Variants in NUP93 observed in about 807,000 individuals in gnomAD.
NUP93 encodes nuclear pore complex protein Nup93.
NUP93 carries 55 observed loss-of-function variants against 107.8 expected under a neutral mutation model. The observed-to-expected ratio is 0.51, with a 90% CI of 0.41 to 0.64. The LOEUF (loss-of-function observed/expected upper bound fraction) is 0.64. Among genes scored for constraint, NUP93 ranks in the 30% least tolerant of loss-of-function variants. NUP93 has a pLI of 0.00. For synonymous variants in NUP93, 390 were observed against 397.5 expected (o/e 0.98, Z 0.22); for missense variants, 937 against 1,044.7 (o/e 0.90, Z 1.42).
At chr16:56,755,494 A>G (rs1478183720) in intron 2 of NUP93, among the ~76,000 whole-genome samples, 2 of 150,802 alleles carry the variant, frequency 1.3e-5, no homozygotes, top group African/African-American at 2.4e-5. Context: ...ATCACCACCT[A>G]TTGGTCAGGG....
At chr16:56,835,639 G>T (rs1176746415) in intron 16 of NUP93, among the ~76,000 whole-genome samples, 8 of 152,172 alleles carry the variant, frequency 5.3e-5, no homozygotes, top group Non-Finnish European at 1.2e-4. Flanking sequence ...CAAGTGGCAG[G>T]GCAAGTCACC....
At chr16:56,805,161 G>A (rs909183601) in intron 4 of NUP93, among the ~76,000 whole-genome samples, 4 of 151,986 alleles carry the variant, frequency 2.6e-5, no homozygotes, top group African/African-American at 9.7e-5. Flanking sequence ...GGGCTCAAGT[G>A]ATCCTCCCAC....
intron 3 of NUP93, among the ~76,000 whole-genome samples, chr16:56,795,082 A>G (rs183041671): frequency 3.3e-5 from 5 of 151,692 alleles, no homozygotes; most frequent in South Asian, 4.2e-4. Context: ...AAAATATTAG[A>G]CCAGGCTTTG....
intron 1 of NUP93, among the ~76,000 whole-genome samples, chr16:56,731,085 C>G (rs1323138495): frequency 6.6e-6 from 1 of 151,678 alleles, no homozygotes; most frequent in Non-Finnish European, 1.5e-5. Context: ...TTTGTGTTTG[C>G]AATATTTTTA....
chr16:56,761,299 C>T (rs1962122055), intron 3 of NUP93, among the ~76,000 whole-genome samples: 2 of 152,166 alleles, frequency 1.3e-5, no homozygotes, highest in Non-Finnish European at 2.9e-5. Flanking sequence ...TCCCTGACTT[C>T]TTGTTTAGTA....
intron 5 of NUP93, among the ~76,000 whole-genome samples, chr16:56,818,078 A>G (rs767423219): frequency 1.3e-4 from 20 of 152,208 alleles, no homozygotes; most frequent in Non-Finnish European, 2.6e-4. Context: ...GGAGATGGAT[A>G]TATGTACAGC....
intron 3 of NUP93, among the ~76,000 whole-genome samples, chr16:56,789,851 C>T (rs1170228037): frequency 1.3e-5 from 2 of 152,180 alleles, no homozygotes; most frequent in African/African-American, 4.8e-5. Flanking sequence ...GTAATTCCTG[C>T]ACTTTGGGAG....
At chr16:56,751,512 A>G (rs570031298) in intron 2 of NUP93, among the ~76,000 whole-genome samples, 110 of 152,334 alleles carry the variant, frequency 7.2e-4, no homozygotes, top group Admixed American at 2.0e-3. Context: ...TTCAAATCCA[A>G]CTTAGTAGGA....
chr16:56,798,346 T>G (rs1596812257), intron 3 of NUP93, 130 bp from the exon 4 acceptor site: 1 of 692,226 alleles, frequency 1.4e-6, no homozygotes, highest in East Asian at 2.7e-5. Context: ...GTTGATGTTT[T>G]CAAGTTGGGA....
intron 3 of NUP93, among the ~76,000 whole-genome samples, chr16:56,780,762 T>TGG (rs1284796663): frequency 6.6e-6 from 1 of 152,230 alleles, no homozygotes; most frequent in Non-Finnish European, 1.5e-5. Flanking sequence ...TTTCAGATTC[T>TGG]GCAGTATAGA....
intron 3 of NUP93, among the ~76,000 whole-genome samples, chr16:56,783,156 T>C (rs1485214179): frequency 6.6e-6 from 1 of 152,242 alleles, no homozygotes; most frequent in Non-Finnish European, 1.5e-5. Flanking sequence ...AATATGATGA[T>C]GCATATGGCT....
At chr16:56,831,259 AC>A (rs1244415787) in intron 10 of NUP93, among the ~76,000 whole-genome samples, 3 of 152,194 alleles carry the variant, frequency 2.0e-5, no homozygotes, top group Admixed American at 2.0e-4. Context: ...ATATATATGT[AC>A]ATGTATGTAG....
rs1272125302 is a variant in NUP93, at chr16:56,832,120, G to A, written c.1251+113G>A. 1.3e-5 allele frequency: 18 copies of A among 1,366,062 alleles called. No homozygotes were observed. The African/African-American group carries it at 2.4e-4, about 18-fold the overall frequency. The allele number at this position is 1,366,062 out of a possible 1,614,324, so 84.6% of individuals were successfully genotyped here. On this transcript the variant is annotated intron_variant, in intron 11 of 21. Coordinates refer to ENST00000308159, the MANE Select transcript of NUP93 (RefSeq NM_014669.5). ...TGCCAATACAGTGATCAGGACCAGT[G>A]GGTTCCTCGTCTCCTGTCCCCATTT...
chr16:56,756,296 C>T (rs1962018685), intron 2 of NUP93, among the ~76,000 whole-genome samples: 5 of 12,702 alleles, frequency 3.9e-4, no homozygotes, highest in African/African-American at 8.3e-4. Flanking sequence ...TCTCTCCTTG[C>T]CCCCCCCCCC....
chr16:56,821,576 G>A lies in NUP93; in HGVS notation c.637G>A (p.Ala213Thr), dbSNP rs567027753. 9.3e-6 allele frequency: 15 copies of A among 1,611,958 alleles called. No homozygotes were observed. Among genetic ancestry groups the A allele is most frequent in the East Asian group, 8.9e-5 (4 of 44,878 alleles). ...CCTGGTGGACCTTTGTGCTTCCGTC[G>A]CAGAGCTCGATGATAAGGTAGCACC... ...PNLVDLCASV[A>T]ELDDKSISDM... The change falls in exon 7 of 22, where the codon GCA (alanine) becomes ACA (threonine). Residue 213 changes from alanine to threonine, a missense_variant. Physicochemically the swap from Ala to Thr is moderately conservative, Grantham distance 58. Coordinates refer to ENST00000308159, the MANE Select transcript of NUP93 (RefSeq NM_014669.5).
Position 56,844,636 on chromosome 16 carries a change from C to T in NUP93, c.*27C>T, listed in dbSNP as rs535031511. On this transcript the variant is annotated 3_prime_UTR_variant, in exon 22 of 22. Coordinates refer to ENST00000308159, the MANE Select transcript of NUP93 (RefSeq NM_014669.5). Reference sequence around the variant, plus strand: ...TGCCATGCTTTGTGGGAGTCTGGGTCGGCACACTGTCAGTACATCAGGCAC... The same window carrying T: ...TGCCATGCTTTGTGGGAGTCTGGGTTGGCACACTGTCAGTACATCAGGCAC... The T allele has an allele frequency of 1.2e-5, 18 of 1,497,244 alleles. No homozygotes were observed. The highest frequency in any genetic ancestry group is 1.7e-4 in the Middle Eastern group (1 of 5,788). The allele number at this position is 1,497,244 out of a possible 1,614,324, so 92.7% of individuals were successfully genotyped here.
chr16:56,765,548 G>T (rs1403728636), intron 3 of NUP93, among the ~76,000 whole-genome samples: 14 of 152,170 alleles, frequency 9.2e-5, no homozygotes, highest in African/African-American at 3.4e-4. Context: ...GTACATTTTA[G>T]GCCAAGATTT....
At chr16:56,782,071 C>G (rs1962526080) in intron 3 of NUP93, 14 of 985,412 alleles carry the variant, frequency 1.4e-5, no homozygotes, top group Non-Finnish European at 1.7e-5. Context: ...CTCCCCACCC[C>G]CATCCCTCAA....
At chr16:56,749,201 A>G (rs1185837119) in intron 2 of NUP93, among the ~76,000 whole-genome samples, 7 of 152,200 alleles carry the variant, frequency 4.6e-5, no homozygotes, top group Non-Finnish European at 8.8e-5. Context: ...TGGGGCAGAA[A>G]AAAACTATGC....
Sources: allele counts gnomAD v4.1 joint callset (sites outside exome capture counted in the v4.1 genomes callset), GRCh38; gene constraint gnomAD v4.1.1; transcripts MANE v1.5; gene names NCBI Gene and HGNC (gene_info 2026-07-23, HGNC 2026-07-21).